The following SPAG16 variants were observed in gnomAD, a reference collection of about 807,000 sequenced individuals.
SPAG16 encodes sperm associated antigen 16, also known as sperm-associated antigen 16 protein.
In SPAG16, 86 loss-of-function variants were observed where a neutral mutation model predicts 80.4. The observed-to-expected ratio is 1.07, with a 90% CI of 0.90 to 1.28. The LOEUF (loss-of-function observed/expected upper bound fraction) is 1.28. Among genes scored for constraint, SPAG16 ranks in the 50% most tolerant of loss-of-function variants. SPAG16 has a pLI of 0.00. For missense variants in SPAG16, 870 were observed against 765.3 expected (o/e 1.14, Z -1.61); for synonymous variants, 294 against 265.9 (o/e 1.11, Z -1.03).
At chr2:213,865,173 A>G (rs1480227915) in intron 11 of SPAG16, among the ~76,000 whole-genome samples, 1 of 152,052 alleles carries the variant, frequency 6.6e-6, no homozygotes, top group Non-Finnish European at 1.5e-5. Flanking sequence ...AGGAGAGAAT[A>G]TAAATTTTTT....
chr2:213,941,462 G>A (rs1040578337), intron 12 of SPAG16, among the ~76,000 whole-genome samples: 3 of 151,702 alleles, frequency 2.0e-5, no homozygotes, highest in Non-Finnish European at 4.4e-5. Flanking sequence ...ACACACATAC[G>A]CATACATAGA....
At chr2:213,983,125 T>A (rs2045843904) in intron 12 of SPAG16, among the ~76,000 whole-genome samples, 1 of 151,970 alleles carries the variant, frequency 6.6e-6, no homozygotes, top group East Asian at 1.9e-4. Context: ...TAAAAAATTT[T>A]AATAAAGGGA....
intron 11 of SPAG16, among the ~76,000 whole-genome samples, chr2:213,923,044 C>T (rs559682546): frequency 7.2e-5 from 11 of 152,054 alleles, no homozygotes; most frequent in Non-Finnish European, 1.3e-4. Flanking sequence ...CTATGGGAGG[C>T]AGGGGTGAGT....
chr2:214,150,384 A>C (rs2055918050), intron 15 of SPAG16, among the ~76,000 whole-genome samples: 1 of 152,090 alleles, frequency 6.6e-6, no homozygotes, highest in Non-Finnish European at 1.5e-5. Context: ...AAAATGTTTT[A>C]GTAATATTCT....
chr2:214,307,601 C>A, intron 15 of SPAG16, among the ~76,000 whole-genome samples: 1 of 152,086 alleles, frequency 6.6e-6, no homozygotes, highest in East Asian at 1.9e-4. Flanking sequence ...TATCTTTGTT[C>A]TCATTAGTCT....
chr2:213,432,466 A>AT (rs1038230849), intron 9 of SPAG16, among the ~76,000 whole-genome samples: 2 of 152,166 alleles, frequency 1.3e-5, no homozygotes, highest in Admixed American at 6.5e-5. Context: ...GAACAACCAC[A>AT]TGTTCATGAA....
At chr2:213,675,879 G>C (rs1271105942) in intron 10 of SPAG16, among the ~76,000 whole-genome samples, 6 of 151,200 alleles carry the variant, frequency 4.0e-5, no homozygotes, top group Non-Finnish European at 7.4e-5. Context: ...GCTCTTTTTT[G>C]GTTCCATATG....
intron 10 of SPAG16, among the ~76,000 whole-genome samples, chr2:213,853,792 CTTA>C (rs2075024427): frequency 6.6e-6 from 1 of 152,092 alleles, no homozygotes; most frequent in Non-Finnish European, 1.5e-5. Context: ...TAAGCAAAAG[CTTA>C]TTATTCTTAT....
intron 10 of SPAG16, among the ~76,000 whole-genome samples, chr2:213,843,965 T>C (rs1488007513): frequency 1.3e-5 from 2 of 152,008 alleles, no homozygotes; most frequent in Non-Finnish European, 2.9e-5. Context: ...AAATTTTAAT[T>C]ATTTAGGACC....
In SPAG16 at chr2:213,492,418, T is replaced by C. The variant is rs373839260; in HGVS notation, c.1070+2328T>C. Among the ~76,000 whole-genome samples the C allele has an allele frequency of 1.4e-3, 214 of 151,760 alleles. 1 individual carries two copies. The highest frequency in any genetic ancestry group is 5.2e-3 in the South Asian group (25 of 4,804). ...ACAAAAAATTAGCTGGGTGTGGTGGTGGGCGCCTGTAGTCCCAGCTACTCG... is the reference window on the plus strand; with the variant it reads ...ACAAAAAATTAGCTGGGTGTGGTGGCGGGCGCCTGTAGTCCCAGCTACTCG... On this transcript the variant is annotated intron_variant, in intron 10 of 15. Coordinates refer to ENST00000331683, the MANE Select transcript of SPAG16 (RefSeq NM_024532.5).
intron 15 of SPAG16, among the ~76,000 whole-genome samples, chr2:214,365,980 T>G (rs1397935860): frequency 1.0e-5 from 1 of 96,866 alleles, no homozygotes; most frequent in African/African-American, 4.4e-5. Context: ...ATTTGCCAGG[T>G]TTTTTTTTTT....
At chr2:213,774,610 G>A (rs1306996795) in intron 10 of SPAG16, among the ~76,000 whole-genome samples, 3 of 152,144 alleles carry the variant, frequency 2.0e-5, no homozygotes, top group Non-Finnish European at 4.4e-5. Flanking sequence ...CTTTACAGGG[G>A]AGACAATTCA....
intron 11 of SPAG16, among the ~76,000 whole-genome samples, chr2:213,866,945 A>T (rs1380476883): frequency 1.3e-5 from 2 of 152,232 alleles, no homozygotes; most frequent in Non-Finnish European, 1.5e-5. Context: ...TACAAATATA[A>T]TGCAGACTAT....
chr2:214,259,431 A>G (rs1249076132), intron 15 of SPAG16, among the ~76,000 whole-genome samples: 1 of 149,006 alleles, frequency 6.7e-6, no homozygotes, highest in African/African-American at 2.5e-5. Flanking sequence ...GTGTGTGTAT[A>G]TATACACATA....
chr2:213,543,208 T>C (rs907637025), intron 10 of SPAG16, among the ~76,000 whole-genome samples: 2 of 151,978 alleles, frequency 1.3e-5, no homozygotes, highest in Non-Finnish European at 2.9e-5. Flanking sequence ...CCCTAAGAAA[T>C]TGGTTAGGTT....
chr2:214,243,937 T>C (rs1358690914), intron 15 of SPAG16, among the ~76,000 whole-genome samples: 2 of 152,074 alleles, frequency 1.3e-5, no homozygotes, highest in Non-Finnish European at 2.9e-5. Context: ...CCAAGACACA[T>C]ATACGACAGA....
At chr2:213,532,298 C>T (rs1290148851) in intron 10 of SPAG16, among the ~76,000 whole-genome samples, 1 of 152,110 alleles carries the variant, frequency 6.6e-6, no homozygotes, top group Non-Finnish European at 1.5e-5. Context: ...TTTATTGTCA[C>T]ACTACTTTGG....
intron 10 of SPAG16, among the ~76,000 whole-genome samples, chr2:213,615,320 C>T (rs999410836): frequency 7.2e-5 from 11 of 152,182 alleles, no homozygotes; most frequent in African/African-American, 2.7e-4. Flanking sequence ...AGGCTGGGTA[C>T]GGTGGCTCAC....
chr2:213,408,206 G>T (rs190724235), intron 9 of SPAG16, among the ~76,000 whole-genome samples: 14 of 152,122 alleles, frequency 9.2e-5, no homozygotes, highest in Middle Eastern at 3.2e-3. Flanking sequence ...GGTCTTCTCC[G>T]TGACCCTGCA....
Sources: allele counts gnomAD v4.1 joint callset (sites outside exome capture counted in the v4.1 genomes callset), GRCh38; gene constraint gnomAD v4.1.1; transcripts MANE v1.5; gene names NCBI Gene and HGNC (gene_info 2026-07-23, HGNC 2026-07-21).